Variants in GTF3C5 observed in about 807,000 individuals in gnomAD.
The protein encoded by GTF3C5 is general transcription factor IIIC subunit 5.
A neutral mutation model predicts 61.0 loss-of-function variants in GTF3C5; 47 were observed. That is an observed-to-expected ratio of 0.77 (90% CI 0.61 to 0.98). The LOEUF (loss-of-function observed/expected upper bound fraction) is 0.98. GTF3C5 is among the 50% of genes least tolerant of loss of function. GTF3C5 has a pLI of 0.00. For missense variants in GTF3C5, 659 were observed against 703.3 expected, an observed-to-expected ratio of 0.94 and a Z score of 0.71; for synonymous variants, 295 against 275.4, an observed-to-expected ratio of 1.07 and a Z score of -0.71.
chr9:133,050,801 C>G lies in GTF3C5; in HGVS notation c.591C>G (p.Pro197=), dbSNP rs1183841712. ...CCCCCAGGGAAGGCTACAACAATCC[C>G]CCCATCTCAGGTGAGAATCTGATTG... The part of the protein sequence containing the change: ...ETQHREGYNN[P]PISGENLIGL... The change falls in exon 4 of 11, where the codon CCC becomes CCG. Residue 197 remains proline (P), a synonymous_variant. Transcript: ENST00000372097. 1.9e-6 allele frequency: 3 copies of G among 1,613,396 alleles called. No individual in the cohort carries two copies. Among genetic ancestry groups the G allele is most frequent in the Non-Finnish European group, 2.5e-6 (3 of 1,179,616 alleles).
chr9:133,032,020 C>T (rs1183939073), intron 1 of GTF3C5, among the ~76,000 whole-genome samples: 1 of 152,104 alleles, frequency 6.6e-6, no homozygotes, highest in Admixed American at 6.5e-5. Context: ...AACATACTGA[C>T]ATATTGGTTC....
intron 1 of GTF3C5, among the ~76,000 whole-genome samples, chr9:133,036,298 A>G (rs1849857708): frequency 6.6e-6 from 1 of 152,188 alleles, no homozygotes; most frequent in African/African-American, 2.4e-5. Flanking sequence ...GGATAGCTTC[A>G]TACTTTAAAA....
At chr9:133,033,739 A>G (rs945176739) in intron 1 of GTF3C5, among the ~76,000 whole-genome samples, 2 of 152,204 alleles carry the variant, frequency 1.3e-5, no homozygotes, top group African/African-American at 2.4e-5. Flanking sequence ...CTTCTGGTCT[A>G]CTGTGTGCAC....
Position 133,056,820 on chromosome 9 carries a change from G to A in GTF3C5, c.1305G>A (p.Arg435=). 1 of 1,612,124 alleles carries A rather than the reference G, an allele frequency of 6.2e-7. No homozygotes were observed. Reference sequence around the variant, plus strand: ...GGGCAGAGAATTCCTGCACAGAACGGGATGGGTGGTGCCTCCCCAAGACCA... The same window carrying A: ...GGGCAGAGAATTCCTGCACAGAACGAGATGGGTGGTGCCTCCCCAAGACCA... ...NDGAENSCTE[R]DGWCLPKTSD... The change falls in exon 10 of 11, where the codon CGG becomes CGA. Residue 435 remains arginine (R), a synonymous_variant. Transcript: ENST00000372097.
rs747804554 is a variant in GTF3C5 at position 133,053,820 on chromosome 9, T to C, written c.874-8T>C. 1.3e-6 allele frequency: 2 copies of C among 1,584,370 alleles called. No homozygotes were observed. Among genetic ancestry groups the C allele is most frequent in the African/African-American group, 1.4e-5 (1 of 74,032 alleles). On this transcript the variant is annotated splice_region_variant and splice_polypyrimidine_tract_variant and intron_variant, in intron 5 of 10. Coordinates refer to ENST00000372097, the MANE Select transcript of GTF3C5 (RefSeq NM_012087.4). ...TCACCTCACATTTTCCCCACTTTTC[T>C]GTCCCAGATAACAGGCCCCTGGCGC...
chr9:133,034,676 C>T (rs1280370559), intron 1 of GTF3C5, among the ~76,000 whole-genome samples: 1 of 152,096 alleles, frequency 6.6e-6, no homozygotes, highest in African/African-American at 2.4e-5. Flanking sequence ...CAAGCTGGTT[C>T]AAGTTTTCCC....
chr9:133,038,817 A>G (rs1251284939), intron 1 of GTF3C5, among the ~76,000 whole-genome samples: 1 of 152,004 alleles, frequency 6.6e-6, no homozygotes, highest in African/African-American at 2.4e-5. Flanking sequence ...CACTGGTGCC[A>G]GGAATGCAAC....
intron 3 of GTF3C5, among the ~76,000 whole-genome samples, chr9:133,044,568 C>T (rs116681673): frequency 0.01 from 1,553 of 152,264 alleles, 28 homozygotes; most frequent in African/African-American, 0.033. Context: ...TCTGTCCCTG[C>T]CCTGCCCTCC....
intron 4 of GTF3C5, 121 bp from the exon 5 acceptor site, chr9:133,051,939 C>CCCTGTCCTCTACCAGCT (rs1456828042): frequency 1.8e-6 from 1 of 567,994 alleles, no homozygotes; most frequent in Non-Finnish European, 3.2e-6. Context: ...TGTGTCCAGC[C>CCCTGTCCTCTACCAGCT]CCTGTCCTCT....
intron 1 of GTF3C5, among the ~76,000 whole-genome samples, chr9:133,039,533 A>G (rs954346087): frequency 6.6e-6 from 1 of 152,142 alleles, no homozygotes; most frequent in Admixed American, 6.5e-5. Context: ...CCTGCCAGGT[A>G]GCTGGGACTA....
chr9:133,038,484 T>C (rs1423708774), intron 1 of GTF3C5, among the ~76,000 whole-genome samples: 4 of 147,642 alleles, frequency 2.7e-5, no homozygotes, highest in Admixed American at 6.8e-5. Context: ...GGAGTCTGGC[T>C]CCGTCGCCCA....
intron 1 of GTF3C5, among the ~76,000 whole-genome samples, chr9:133,032,223 C>A (rs950188398): frequency 6.6e-6 from 1 of 152,244 alleles, no homozygotes; most frequent in Admixed American, 6.5e-5. Context: ...CCACCGTGCC[C>A]AGCCTGGAAT....
At chr9:133,053,791 C>A in intron 5 of GTF3C5, 37 bp from the exon 6 acceptor site, 1 of 1,382,782 alleles carries the variant, frequency 7.2e-7, no homozygotes, top group Non-Finnish European at 1.0e-6. Context: ...CCTGGGCCTT[C>A]ACCTCACCTC....
chr9:133,039,035 T>C (rs1383280583), intron 1 of GTF3C5, among the ~76,000 whole-genome samples: 1 of 152,200 alleles, frequency 6.6e-6, no homozygotes, highest in Non-Finnish European at 1.5e-5. Context: ...TTTAGAACCC[T>C]ACCAGGTAGG....
At chr9:133,044,052 G>T in intron 3 of GTF3C5, 126 bp downstream of exon 3, 1 of 683,968 alleles carries the variant, frequency 1.5e-6, no homozygotes, top group South Asian at 1.8e-5. Flanking sequence ...GGCTGAGGCT[G>T]GAGAATCACT....
intron 1 of GTF3C5, among the ~76,000 whole-genome samples, chr9:133,036,765 C>A (rs1008604541): frequency 2.6e-5 from 4 of 152,112 alleles, no homozygotes; most frequent in African/African-American, 9.7e-5. Flanking sequence ...AATATCCAAC[C>A]AATCCTAGGA....
chr9:133,047,078 C>G (rs1428904750), intron 3 of GTF3C5, among the ~76,000 whole-genome samples: 1 of 152,180 alleles, frequency 6.6e-6, no homozygotes, highest in South Asian at 2.1e-4. Flanking sequence ...CTCTCCACCC[C>G]CAGTGGCACA....
chr9:133,057,697 A>T, intron 10 of GTF3C5, 117 bp from the exon 11 acceptor site: 2 of 929,268 alleles, frequency 2.2e-6, no homozygotes, highest in Non-Finnish European at 3.1e-6. Flanking sequence ...CAGCTTCTTA[A>T]GAGCTCGAGC....
chr9:133,032,224 A>T (rs189411452), intron 1 of GTF3C5, among the ~76,000 whole-genome samples: 7 of 152,226 alleles, frequency 4.6e-5, no homozygotes, highest in Non-Finnish European at 1.0e-4. Flanking sequence ...CACCGTGCCC[A>T]GCCTGGAATG....
Sources: allele counts gnomAD v4.1 joint callset (sites outside exome capture counted in the v4.1 genomes callset), GRCh38; gene constraint gnomAD v4.1.1; transcripts MANE v1.5; gene names NCBI Gene and HGNC (gene_info 2026-07-23, HGNC 2026-07-21).